RASGEF1A: variants seen among roughly 807,000 people sequenced by gnomAD.
The protein encoded by RASGEF1A is ras-GEF domain-containing family member 1A.
Under a neutral mutation model 56.4 loss-of-function variants are expected in RASGEF1A, and 18 were observed. The ratio of observed to expected loss-of-function variants is 0.32; its 90% CI spans 0.22 to 0.47. RASGEF1A has a LOEUF of 0.47. Among genes scored for constraint, RASGEF1A ranks in the 20% least tolerant of loss-of-function variants. The pLI is 1.00. For synonymous variants in RASGEF1A, 245 were observed against 242.6 expected (o/e 1.01, Z -0.09); for missense variants, 422 against 627.1 (o/e 0.67, Z 3.49).
Position 43,266,993 on chromosome 10 carries a change from G to GCGGGCAGAGCAGCTCCCTC in RASGEF1A, c.-174_-156dup, listed in dbSNP as rs1836637789. 2 of 147,594 alleles carry GCGGGCAGAGCAGCTCCCTC rather than the reference G, an allele frequency of 1.4e-5. No homozygotes were observed. The highest frequency in any genetic ancestry group is 3.0e-5 in the Non-Finnish European group (2 of 66,298). The allele number at this position is 147,594 out of a possible 1,614,324, so 9.1% of individuals were successfully genotyped here. A position where few individuals can be genotyped will look rare whatever the true frequency, so the allele number is the denominator to read the frequency against. On this transcript the variant is annotated 5_prime_UTR_variant, in exon 1 of 13. Coordinates refer to ENST00000395810, the MANE Select transcript of RASGEF1A (RefSeq NM_145313.4). ...CGGCCGCCCCCGCGCTGCGCCAGCT[G>GCGGGCAGAGCAGCTCCCTC]CGGGCAGAGCAGCTCCCTCCGCAGC...
chr10:43,206,592 C>T (rs1385581517), intron 1 of RASGEF1A: 4 of 996,606 alleles, frequency 4.0e-6, no homozygotes, highest in Non-Finnish European at 4.8e-6. Context: ...GCTGGGAGGA[C>T]AGTCTGAGGA....
rs761922412 is a variant in RASGEF1A at position 43,203,428 on chromosome 10, C to G, written c.199-8G>C. 1.9e-6 allele frequency: 3 copies of G among 1,539,228 alleles called. No homozygotes were observed. The African/African-American group carries it at 4.1e-5, about 21-fold the overall frequency. ...GGTGAAGATGTACGTCCTCTGAAGG[C>G]AGGAGACGGAGAGAGGGCGGAGGGA... On this transcript the variant is annotated splice_region_variant and splice_polypyrimidine_tract_variant and intron_variant, in intron 2 of 12. Transcript: ENST00000395810.
Position 43,212,464 on chromosome 10 carries a change from G to C in RASGEF1A, c.-6-6342C>G, listed in dbSNP as rs534869777. The stretch of plus-strand genomic sequence containing the variant: ...TGCTGATGGCGCCAAAGTGCCAGGA[G>C]GGGAGAGGCCAGGAGCCTGCATCCA... On this transcript the variant is annotated intron_variant, in intron 1 of 12. Transcript: ENST00000395810. 3.3e-5 allele frequency among the ~76,000 whole-genome samples: 5 copies of C among 152,238 alleles called. No homozygotes were observed. The East Asian group carries it at 9.6e-4, about 29-fold the overall frequency.
At chr10:43,201,453 A>AC (rs936663504) in intron 4 of RASGEF1A, among the ~76,000 whole-genome samples, 16 of 152,140 alleles carry the variant, frequency 1.1e-4, no homozygotes, top group Non-Finnish European at 1.5e-4. Context: ...TTAAAGCCTT[A>AC]CCCCCACCTC....
chr10:43,203,091 G>A (rs1444394954), intron 3 of RASGEF1A, among the ~76,000 whole-genome samples: 1 of 116,864 alleles, frequency 8.6e-6, no homozygotes, highest in Admixed American at 9.9e-5. Context: ...GCCCCAGCCA[G>A]GCCACGCCTC....
intron 1 of RASGEF1A, chr10:43,209,041 TGCCCCAACA>T (rs1188728116): frequency 3.0e-6 from 3 of 985,350 alleles, no homozygotes; most frequent in Non-Finnish European, 3.6e-6. Context: ...GCTTCCTCCT[TGCCCCAACA>T]GCAGGGGCAG....
At chr10:43,222,724 C>T (rs115500131) in intron 1 of RASGEF1A, among the ~76,000 whole-genome samples, 1,726 of 152,304 alleles carry the variant, frequency 0.011, 31 homozygotes, top group African/African-American at 0.039. Context: ...GCTGCTCTAG[C>T]AAATTAATTG....
chr10:43,240,791 A>G (rs1221358457), intron 1 of RASGEF1A, among the ~76,000 whole-genome samples: 1 of 152,226 alleles, frequency 6.6e-6, no homozygotes, highest in Non-Finnish European at 1.5e-5. Context: ...TAAGGCAGAA[A>G]AAAAATATTA....
At chr10:43,217,629 C>A (rs1840155494) in intron 1 of RASGEF1A, among the ~76,000 whole-genome samples, 1 of 152,248 alleles carries the variant, frequency 6.6e-6, no homozygotes, top group Admixed American at 6.5e-5. Flanking sequence ...CTGGGAGAGT[C>A]TGGGGCTTAG....
chr10:43,199,683 A>G lies in RASGEF1A; in HGVS notation c.842T>C (p.Val281Ala), dbSNP rs1839862316. The stretch of plus-strand genomic sequence containing the variant: ...TCTGCCATGGGCACTTACCCGGCAC[A>G]CCTCAGTGGCCACCAGCATGCTCAG... ...NCLSMLVATE[V>A]CRVVKKKHRT... Residue 281 changes from valine (V) to alanine (A), a missense_variant, in exon 7 of 13, where the codon GTG becomes GCG. Val to Ala is a moderately conservative substitution (Grantham distance 64). Around this residue, in one of 2 missense-constraint regions of RASGEF1A, gnomAD observed 149 missense variants for 287.2 expected, o/e 0.52. Transcript: ENST00000395810. 1.2e-6 allele frequency: 2 copies of G among 1,613,236 alleles called. No homozygotes were observed. Among genetic ancestry groups the G allele is most frequent in the Admixed American group, 3.3e-5 (2 of 60,020 alleles).
chr10:43,244,522 T>A (rs1440356588), intron 1 of RASGEF1A, among the ~76,000 whole-genome samples: 1 of 151,124 alleles, frequency 6.6e-6, no homozygotes, highest in Admixed American at 6.6e-5. Context: ...GCACAGGAAA[T>A]ATTCTCCAGA....
At chr10:43,207,951 A>T in intron 1 of RASGEF1A, 1 of 825,924 alleles carries the variant, frequency 1.2e-6, no homozygotes, top group Non-Finnish European at 1.5e-6. Context: ...CCCTGGGTTT[A>T]ACCTAGACTG....
chr10:43,233,582 C>A (rs762050233), intron 1 of RASGEF1A, among the ~76,000 whole-genome samples: 5 of 152,230 alleles, frequency 3.3e-5, no homozygotes, highest in Non-Finnish European at 5.9e-5. Flanking sequence ...GCACCCTGCA[C>A]ACCCAGCAGC....
chr10:43,229,640 G>T, intron 1 of RASGEF1A: 1 of 1,494,724 alleles, frequency 6.7e-7, no homozygotes, highest in South Asian at 1.2e-5. Context: ...GCCCTACCTG[G>T]GGCTCCAGGA....
At chr10:43,197,855 C>T (rs1164685822) in intron 10 of RASGEF1A, 149 bp downstream of exon 10, 1 of 630,460 alleles carries the variant, frequency 1.6e-6, no homozygotes, top group East Asian at 2.8e-5. Context: ...CACCCCGTGA[C>T]CCACTATGAG....
chr10:43,229,599 G>A (rs935199178), intron 1 of RASGEF1A: 3 of 1,462,696 alleles, frequency 2.1e-6, no homozygotes, highest in Non-Finnish European at 2.7e-6. Context: ...CAAGAACCCT[G>A]CCCCGCGGCC....
chr10:43,265,957 T>A (rs928877982), intron 1 of RASGEF1A, among the ~76,000 whole-genome samples: 1 of 151,754 alleles, frequency 6.6e-6, no homozygotes, highest in African/African-American at 2.4e-5. Context: ...GGGAGAAGAG[T>A]GGCAGTGGTG....
chr10:43,196,628 GC>G lies in RASGEF1A; in HGVS notation c.1349-81del. The G allele has an allele frequency of 7.6e-7, 1 of 1,317,754 alleles. No individual in the cohort carries two copies. The highest frequency in any genetic ancestry group is 1.1e-6 in the Non-Finnish European group (1 of 920,674). 81.6% of individuals were successfully genotyped at this position (1,317,754 alleles called of 1,614,324 possible). On this transcript the variant is annotated intron_variant, in intron 11 of 12. Transcript: ENST00000395810. The surrounding 1 kb of genome is among the most constrained non-coding windows in gnomAD (Gnocchi z 4.6). Reference sequence around the variant, plus strand: ...ACCCAGCTGTCCCTTCAGGAGTACAGCCCAGCACAAGGGGACAGTGACCTCT... The same window carrying G: ...ACCCAGCTGTCCCTTCAGGAGTACAGCCAGCACAAGGGGACAGTGACCTCT...
At chr10:43,261,749 C>G (rs1836532272) in intron 1 of RASGEF1A, among the ~76,000 whole-genome samples, 1 of 152,130 alleles carries the variant, frequency 6.6e-6, no homozygotes, top group African/African-American at 2.4e-5. Context: ...CCGGGGCTGC[C>G]CAGCTCTCAC....
Sources: allele counts gnomAD v4.1 joint callset (sites outside exome capture counted in the v4.1 genomes callset), GRCh38; gene constraint gnomAD v4.1.1; regional missense constraint gnomAD v4.1.1; non-coding constraint Gnocchi (gnomAD v3.1); transcripts MANE v1.5; gene names NCBI Gene and HGNC (gene_info 2026-07-23, HGNC 2026-07-21).